ABI1: variants seen among roughly 807,000 people sequenced by gnomAD.
ABI1 encodes abl interactor 1, also known as Abelson interactor 1.
In ABI1, 14 loss-of-function variants were observed where a neutral mutation model predicts 54.6. The ratio of observed to expected loss-of-function variants is 0.26; its 90% CI spans 0.17 to 0.40. The LOEUF (loss-of-function observed/expected upper bound fraction) is 0.40, where lower values mean the gene tolerates loss of function less well. Ranked by LOEUF, ABI1 falls within the 10% of genes least tolerant of loss-of-function variation. ABI1 has a pLI of 1.00. For synonymous variants in ABI1, 194 were observed against 209.3 expected, an observed-to-expected ratio of 0.93 and a Z score of 0.63; for missense variants, 443 against 598.3, an observed-to-expected ratio of 0.74 and a Z score of 2.71.
chr10:26,775,361 C>T (rs572911228), intron 3 of ABI1, among the ~76,000 whole-genome samples: 57 of 152,116 alleles, frequency 3.7e-4, no homozygotes, highest in African/African-American at 1.3e-3. Flanking sequence ...CTTCATCCCT[C>T]GCCAAAAATA....
At chr10:26,834,708 T>C (rs1330650214) in intron 1 of ABI1, among the ~76,000 whole-genome samples, 1 of 152,146 alleles carries the variant, frequency 6.6e-6, no homozygotes, top group Non-Finnish European at 1.5e-5. Flanking sequence ...GGCTCACGCC[T>C]GTAATCCCAG....
At chr10:26,764,062 G>A (rs771186900) in intron 7 of ABI1, 1 of 820,324 alleles carries the variant, frequency 1.2e-6, no homozygotes, top group Non-Finnish European at 1.8e-6. Context: ...AAAGAAAAAA[G>A]ATACCCCCAT....
intron 7 of ABI1, among the ~76,000 whole-genome samples, chr10:26,760,294 C>A (rs1031348302): frequency 2.0e-5 from 3 of 152,158 alleles, no homozygotes; most frequent in African/African-American, 7.2e-5. Flanking sequence ...CTTGCCCCAT[C>A]TAAACAACAA....
chr10:26,763,936 GA>G (rs1415814553), intron 7 of ABI1: 1 of 1,612,650 alleles, frequency 6.2e-7, no homozygotes, highest in Non-Finnish European at 8.5e-7. Flanking sequence ...TGGAGCTCCA[GA>G]AGGAGGAGGG....
chr10:26,814,712 G>A (rs1406033011), intron 2 of ABI1, among the ~76,000 whole-genome samples: 2 of 96,044 alleles, frequency 2.1e-5, no homozygotes, highest in East Asian at 6.7e-4. Context: ...CTAATATTTG[G>A]TAACTTAATC....
intron 7 of ABI1, among the ~76,000 whole-genome samples, chr10:26,760,017 A>T (rs1380616527): frequency 6.6e-6 from 1 of 151,858 alleles, no homozygotes; most frequent in Non-Finnish European, 1.5e-5. Flanking sequence ...TTGTTTAGCA[A>T]ATCTATTCTC....
intron 2 of ABI1, among the ~76,000 whole-genome samples, chr10:26,782,230 G>GT (rs1395689705): frequency 2.6e-5 from 4 of 152,068 alleles, no homozygotes; most frequent in African/African-American, 9.7e-5. Flanking sequence ...CTGACAATAG[G>GT]TACACCTTTT....
chr10:26,770,326 G>A lies in ABI1; in HGVS notation c.497C>T (p.Ala166Val), dbSNP rs750828582. 5.0e-6 allele frequency: 8 copies of A among 1,613,840 alleles called. No homozygotes were observed. The highest frequency in any genetic ancestry group is 6.8e-6 in the Non-Finnish European group (8 of 1,179,876). ...LKAKHGNNQPARTGTLSRTNP... is the reference protein window; with the variant it reads ...LKAKHGNNQPVRTGTLSRTNP... ...TGTTCTCGACAGTGTGCCAGTTCTT[G>A]CAGGCTGGTTATTTCCATGCTAAAA... The change falls in exon 5 of 11, where the codon GCA becomes GTA. Residue 166 changes from alanine (A) to valine (V), a missense_variant. By Grantham distance (64) the Ala-to-Val change is moderately conservative. This residue lies in a region of ABI1 where 394 missense variants were observed against 484.8 expected (regional missense o/e 0.81). Transcript: ENST00000376140.
chr10:26,846,342 C>CTTTTTTT (rs139282236), intron 1 of ABI1, among the ~76,000 whole-genome samples: 2 of 139,460 alleles, frequency 1.4e-5, no homozygotes, highest in Non-Finnish European at 3.1e-5. Context: ...TTTCTCTTTT[C>CTTTTTTT]TTTTTTTTTT....
At chr10:26,763,435 G>A (rs1839491642) in intron 7 of ABI1, among the ~76,000 whole-genome samples, 1 of 152,068 alleles carries the variant, frequency 6.6e-6, no homozygotes, top group Non-Finnish European at 1.5e-5. Context: ...CCATATCAGA[G>A]TTTTTCAAAC....
chr10:26,768,385 A>G (rs994986252), intron 6 of ABI1, among the ~76,000 whole-genome samples: 1 of 151,738 alleles, frequency 6.6e-6, no homozygotes, highest in Non-Finnish European at 1.5e-5. Context: ...GTCTCAACTC[A>G]AAATTAGCCA....
chr10:26,798,158 C>T (rs558134594), intron 2 of ABI1, among the ~76,000 whole-genome samples: 2 of 152,270 alleles, frequency 1.3e-5, no homozygotes, highest in East Asian at 3.9e-4. Flanking sequence ...GCTTTTTGGC[C>T]TCTAGCAAAG....
At chr10:26,770,978 G>A in intron 4 of ABI1, 97 bp downstream of exon 4, 1 of 1,222,416 alleles carries the variant, frequency 8.2e-7, no homozygotes, top group African/African-American at 1.5e-5. Flanking sequence ...GGGAAAAGCA[G>A]ACAGACATAA....
intron 2 of ABI1, among the ~76,000 whole-genome samples, chr10:26,819,095 T>C (rs1351448430): frequency 6.6e-6 from 1 of 152,188 alleles, no homozygotes; most frequent in African/African-American, 2.4e-5. Context: ...AGTAATAGCA[T>C]AGTCTACCTT....
chr10:26,841,295 G>T (rs1022840963), intron 1 of ABI1, among the ~76,000 whole-genome samples: 1 of 150,966 alleles, frequency 6.6e-6, no homozygotes, highest in Admixed American at 6.6e-5. Flanking sequence ...AAATTTTATT[G>T]TATATATTTA....
At chr10:26,791,769 T>C (rs1843499153) in intron 2 of ABI1, among the ~76,000 whole-genome samples, 2 of 152,094 alleles carry the variant, frequency 1.3e-5, no homozygotes, top group Admixed American at 1.3e-4. Flanking sequence ...TTTATTTGAG[T>C]AGAGCAACTA....
chr10:26,791,935 A>G (rs1423976106), intron 2 of ABI1, among the ~76,000 whole-genome samples: 1 of 152,220 alleles, frequency 6.6e-6, no homozygotes, highest in African/African-American at 2.4e-5. Context: ...ACTACTAATG[A>G]ATGAACTATG....
chr10:26,813,674 AAC>A (rs1335909352), intron 2 of ABI1, among the ~76,000 whole-genome samples: 2 of 152,054 alleles, frequency 1.3e-5, no homozygotes, highest in African/African-American at 4.8e-5. Flanking sequence ...AACAAATCAC[AAC>A]AGAGTGAATG....
rs557442863 is a variant in ABI1, at chr10:26,845,517, C to G, written c.117+15230G>C. 1.2e-4 allele frequency among the ~76,000 whole-genome samples: 18 copies of G among 152,210 alleles called. No individual in the cohort carries two copies. In the East Asian group the frequency reaches 3.3e-3, roughly 28 times the overall value. ...TACTAGCTGGGTATGGTGGCATGTG[C>G]CTGTAATCCCAGCTACTTGGGAGGC... On this transcript the variant is annotated intron_variant, in intron 1 of 10. Coordinates refer to ENST00000376140, the MANE Select transcript of ABI1 (RefSeq NM_001012750.3).
Sources: allele counts gnomAD v4.1 joint callset (sites outside exome capture counted in the v4.1 genomes callset), GRCh38; gene constraint gnomAD v4.1.1; regional missense constraint gnomAD v4.1.1; transcripts MANE v1.5; gene names NCBI Gene and HGNC (gene_info 2026-07-23, HGNC 2026-07-21).